Variants in NOS1 observed in about 807,000 individuals in gnomAD.
The protein encoded by NOS1 is nitric oxide synthase 1.
Under a neutral mutation model 164.5 loss-of-function variants are expected in NOS1, and 51 were observed. The ratio of observed to expected loss-of-function variants is 0.31; its 90% CI spans 0.25 to 0.39. The LOEUF is 0.39. Ranked by LOEUF, NOS1 falls within the 10% of genes least tolerant of loss-of-function variation. The pLI is 1.00. For missense variants in NOS1, 1,362 were observed against 1,885.6 expected (o/e 0.72, Z 5.14); for synonymous variants, 719 against 745.8 (o/e 0.96, Z 0.59).
rs982934175 is a variant in NOS1 at position 117,215,150 on chromosome 12, G to A, written c.*159C>T. The A allele has an allele frequency of 4.8e-5, 63 of 1,321,922 alleles. No individual in the cohort carries two copies. In the East Asian group the frequency reaches 6.4e-4, roughly 13 times the overall value. The allele number at this position is 1,321,922 out of a possible 1,614,324, so 81.9% of individuals were successfully genotyped here. ...CTCAAGGAGTAAACCCAGGAGGGCC[G>A]AGGAAACCACTGAGGGGCGAGAAGC... On this transcript the variant is annotated 3_prime_UTR_variant, in exon 29 of 29. Coordinates refer to ENST00000317775, the MANE Select transcript of NOS1 (RefSeq NM_000620.5).
chr12:117,297,466 A>G (rs1873496729), intron 3 of NOS1, among the ~76,000 whole-genome samples: 1 of 152,016 alleles, frequency 6.6e-6, no homozygotes, highest in South Asian at 2.1e-4. Context: ...ATCTCAGCTC[A>G]CTGCAACCTC....
intron 7 of NOS1, among the ~76,000 whole-genome samples, chr12:117,283,448 T>A (rs1015729877): frequency 3.9e-5 from 6 of 152,212 alleles, no homozygotes; most frequent in African/African-American, 1.4e-4. Flanking sequence ...GCTGAATGTT[T>A]TCTTTAATAG....
Position 117,272,327 on chromosome 12 carries a change from T to G in NOS1, c.1839+58A>C. 1.0e-5 allele frequency: 16 copies of G among 1,594,320 alleles called. No homozygotes were observed. Among genetic ancestry groups the G allele is most frequent in the South Asian group, 1.1e-5 (1 of 90,154 alleles). Reference sequence around the variant, plus strand: ...AGCTCGCCGTGGGGAAGGGGACTGCTGAGCTGGCACCCTCTGCTATGTGCT... The same window carrying G: ...AGCTCGCCGTGGGGAAGGGGACTGCGGAGCTGGCACCCTCTGCTATGTGCT... On this transcript the variant is annotated intron_variant, in intron 10 of 28. Coordinates refer to ENST00000317775, the MANE Select transcript of NOS1 (RefSeq NM_000620.5). The surrounding 1 kb of genome is among the most constrained non-coding windows in gnomAD (Gnocchi z 4.3).
chr12:117,209,681 G>A lies in NOS1; in HGVS notation c.*5628C>T, dbSNP rs1179982621. 2 of 985,480 alleles carry A rather than the reference G, an allele frequency of 2.0e-6. No individual in the cohort carries two copies. The highest frequency in any genetic ancestry group is 3.5e-5 in the African/African-American group (2 of 57,370). 61.0% of individuals were successfully genotyped at this position (985,480 alleles called of 1,614,324 possible). A position where few individuals can be genotyped will look rare whatever the true frequency, so the allele number is the denominator to read the frequency against. ...CCTCCCTCGCACATGGCTTTGATAAGTATTAATAGGAAACAGACTCTCGAC... is the reference window on the plus strand; with the variant it reads ...CCTCCCTCGCACATGGCTTTGATAAATATTAATAGGAAACAGACTCTCGAC... On this transcript the variant is annotated 3_prime_UTR_variant, in exon 29 of 29. Coordinates refer to ENST00000317775, the MANE Select transcript of NOS1 (RefSeq NM_000620.5).
In NOS1 at chr12:117,332,826, T is replaced by C. The variant is rs140875801; in HGVS notation, c.-420-1337A>G. Among the ~76,000 whole-genome samples, 355 of 152,310 alleles carry C rather than the reference T, an allele frequency of 2.3e-3. 3 individuals are homozygous for C. Among genetic ancestry groups the C allele is most frequent in the African/African-American group, 7.8e-3 (326 of 41,578 alleles). ...GTTGCAGTGAGCTGAGATTACGCCA[T>C]TGCGCTCCAGCCTGGGCAACAGAGT... On this transcript the variant is annotated intron_variant, in intron 1 of 28. Transcript: ENST00000317775.
intron 4 of NOS1, 41 bp downstream of exon 4, chr12:117,290,257 A>G: frequency 6.2e-7 from 1 of 1,606,416 alleles, no homozygotes; most frequent in Non-Finnish European, 8.5e-7. Context: ...GATAGTGATG[A>G]AGCTGCCACC....
chr12:117,214,399 C>T lies in NOS1; in HGVS notation c.*910G>A. The T allele has an allele frequency of 1.0e-6, 1 of 985,354 alleles. No individual in the cohort carries two copies. Among genetic ancestry groups the T allele is most frequent in the East Asian group, 1.1e-4 (1 of 8,808 alleles). 61.0% of individuals were successfully genotyped at this position (985,354 alleles called of 1,614,324 possible). On this transcript the variant is annotated 3_prime_UTR_variant, in exon 29 of 29. Coordinates refer to ENST00000317775, the MANE Select transcript of NOS1 (RefSeq NM_000620.5). ...TTCTTTGAACAACATAACTTCCAGG[C>T]CCCTTGGATGCTATTGCTGGAGGAG...
intron 3 of NOS1, among the ~76,000 whole-genome samples, chr12:117,291,566 C>T (rs575986551): frequency 1.7e-5 from 2 of 120,352 alleles, no homozygotes; most frequent in South Asian, 5.7e-4. Flanking sequence ...TAGGGTCTTG[C>T]TCTGTCACAT....
chr12:117,332,830 G>A (rs1214747035), intron 1 of NOS1, among the ~76,000 whole-genome samples: 3 of 151,968 alleles, frequency 2.0e-5, no homozygotes. Flanking sequence ...ACGCCATTGC[G>A]CTCCAGCCTG....
intron 2 of NOS1, among the ~76,000 whole-genome samples, chr12:117,314,744 C>T (rs756381445): frequency 4.6e-5 from 7 of 152,164 alleles, no homozygotes; most frequent in Non-Finnish European, 8.8e-5. Context: ...ACAGCTGGGA[C>T]TACAGGCGCA....
Position 117,243,235 on chromosome 12 carries a change from T to G in NOS1, c.2962+62A>C. The G allele has an allele frequency of 3.3e-4, 513 of 1,566,788 alleles. No homozygotes were observed. Among genetic ancestry groups the G allele is most frequent in the Non-Finnish European group, 4.0e-4 (459 of 1,144,430 alleles). On this transcript the variant is annotated intron_variant, in intron 19 of 28. Transcript: ENST00000317775. This position sits in a 1 kb window ranked among gnomAD's most constrained non-coding sequence, Gnocchi z 4.3. ...ATCTTCTCTAAGCACCTTCTGGAGGTGAGATCACCTGCCTTTCCCCCATTG... is the reference window on the plus strand; with the variant it reads ...ATCTTCTCTAAGCACCTTCTGGAGGGGAGATCACCTGCCTTTCCCCCATTG...
intron 3 of NOS1, among the ~76,000 whole-genome samples, chr12:117,297,693 A>G (rs1593000794): frequency 6.6e-6 from 1 of 152,138 alleles, no homozygotes; most frequent in East Asian, 1.9e-4. Flanking sequence ...ACCCAGCTGG[A>G]TGGTGGGCTT....
Position 117,272,273 on chromosome 12 carries a change from T to C in NOS1, c.1839+112A>G. On this transcript the variant is annotated intron_variant, in intron 10 of 28. Coordinates refer to ENST00000317775, the MANE Select transcript of NOS1 (RefSeq NM_000620.5). This position sits in a 1 kb window ranked among gnomAD's most constrained non-coding sequence, Gnocchi z 4.3. ...GGCTTCTCTGGGATTGCAATTCTAT[T>C]CTAACCCCTTCAAGTTTCCAAGCCA... The C allele has an allele frequency of 8.7e-7, 1 of 1,147,538 alleles. No individual in the cohort carries two copies. The highest frequency in any genetic ancestry group is 1.3e-6 in the Non-Finnish European group (1 of 770,110). 71.1% of individuals were successfully genotyped at this position (1,147,538 alleles called of 1,614,324 possible). A position where few individuals can be genotyped will look rare whatever the true frequency, so the allele number is the denominator to read the frequency against.
At chr12:117,241,777 C>A (rs570907622) in intron 20 of NOS1, among the ~76,000 whole-genome samples, 2 of 152,320 alleles carry the variant, frequency 1.3e-5, no homozygotes, top group South Asian at 4.1e-4. Context: ...ACCGCGCCTG[C>A]GATCTCAGGC....
In NOS1 at chr12:117,210,003, T is replaced by C. The variant is rs1349822894; in HGVS notation, c.*5306A>G. 14 of 980,238 alleles carry C rather than the reference T, an allele frequency of 1.4e-5. No individual in the cohort carries two copies. The highest frequency in any genetic ancestry group is 1.7e-5 in the Non-Finnish European group (14 of 825,260). 60.7% of individuals were successfully genotyped at this position (980,238 alleles called of 1,614,324 possible). A position where few individuals can be genotyped will look rare whatever the true frequency, so the allele number is the denominator to read the frequency against. ...TTAATTTTTTTTAGAGACAGGGTCT[T>C]GCTCTGTCACTCAGGCTGGAGTGCA... On this transcript the variant is annotated 3_prime_UTR_variant, in exon 29 of 29. Transcript: ENST00000317775.
chr12:117,326,395 A>C lies in NOS1; in HGVS notation c.725+3950T>G, dbSNP rs1421340070. On this transcript the variant is annotated intron_variant, in intron 2 of 28. Transcript: ENST00000317775. ...AGCGAGACTCTGTCTCAAAAAAAAA[A>C]AAAAAACAAAAAAACAAAAACAAAA... 3.5e-4 allele frequency among the ~76,000 whole-genome samples: 3 copies of C among 8,470 alleles called. 1 individual carries two copies. Among genetic ancestry groups the C allele is most frequent in the Non-Finnish European group, 1.1e-3 (3 of 2,652 alleles). The allele number at this position is 8,470 out of a possible 152,430, so 5.6% of individuals were successfully genotyped here.
intron 1 of NOS1, among the ~76,000 whole-genome samples, chr12:117,349,294 AC>A (rs1337052259): frequency 6.6e-6 from 1 of 152,248 alleles, no homozygotes; most frequent in Non-Finnish European, 1.5e-5. Flanking sequence ...ATAGATCAGC[AC>A]TTCATTTCTT....
intron 3 of NOS1, among the ~76,000 whole-genome samples, chr12:117,299,041 A>G (rs1029716189): frequency 1.3e-5 from 2 of 152,204 alleles, no homozygotes; most frequent in African/African-American, 4.8e-5. Flanking sequence ...GCAGAGGGCC[A>G]TTCACACCAT....
chr12:117,244,743 A>T (rs1030384062), intron 18 of NOS1, among the ~76,000 whole-genome samples: 1 of 152,266 alleles, frequency 6.6e-6, no homozygotes, highest in African/African-American at 2.4e-5. Flanking sequence ...GTTCTGATAC[A>T]TGCTATGACA....
Sources: allele counts gnomAD v4.1 joint callset (sites outside exome capture counted in the v4.1 genomes callset), GRCh38; gene constraint gnomAD v4.1.1; non-coding constraint Gnocchi (gnomAD v3.1); transcripts MANE v1.5; gene names NCBI Gene and HGNC (gene_info 2026-07-23, HGNC 2026-07-21).